JAK1: variants seen among roughly 807,000 people sequenced by gnomAD.
JAK1 encodes tyrosine-protein kinase JAK1.
In JAK1, 16 loss-of-function variants were observed where a neutral mutation model predicts 136.6. The observed-to-expected ratio is 0.12, with a 90% CI of 0.08 to 0.18. The LOEUF is 0.18. Among genes scored for constraint, JAK1 ranks in the 10% least tolerant of loss-of-function variants. The pLI is 1.00. For synonymous variants in JAK1, 492 were observed against 519.5 expected, an observed-to-expected ratio of 0.95 and a Z score of 0.72; for missense variants, 859 against 1,450.1, an observed-to-expected ratio of 0.59 and a Z score of 6.62.
chr1:65,008,098 T>A (rs1386726628), intron 2 of JAK1, among the ~76,000 whole-genome samples: 1 of 152,174 alleles, frequency 6.6e-6, no homozygotes, highest in African/African-American at 2.4e-5. Flanking sequence ...TTAGCACAGC[T>A]TGAGTTTGGT....
intron 1 of JAK1, among the ~76,000 whole-genome samples, chr1:64,946,427 G>A (rs951213449): frequency 6.6e-6 from 1 of 152,152 alleles, no homozygotes; most frequent in Non-Finnish European, 1.5e-5. Context: ...GTCTATGATC[G>A]GACCTCATGC....
At chr1:65,049,484 A>C (rs1486807628) in intron 1 of JAK1, among the ~76,000 whole-genome samples, 1 of 151,994 alleles carries the variant, frequency 6.6e-6, no homozygotes, top group Non-Finnish European at 1.5e-5. Context: ...ACAAAAACTC[A>C]CTTCTTCACG....
At chr1:64,920,916 A>G (rs1305263291) in intron 1 of JAK1, among the ~76,000 whole-genome samples, 1 of 152,202 alleles carries the variant, frequency 6.6e-6, no homozygotes, top group Non-Finnish European at 1.5e-5. Flanking sequence ...CTACTGATAG[A>G]AAAAATAAGA....
chr1:65,028,222 C>T (rs1646994334), intron 2 of JAK1, among the ~76,000 whole-genome samples: 1 of 152,022 alleles, frequency 6.6e-6, no homozygotes, highest in South Asian at 2.1e-4. Flanking sequence ...TGAGTCCTTC[C>T]CTGACTAATT....
chr1:65,004,422 T>A (rs1488662163), intron 2 of JAK1, among the ~76,000 whole-genome samples: 1 of 152,198 alleles, frequency 6.6e-6, no homozygotes, highest in Non-Finnish European at 1.5e-5. Flanking sequence ...GACTCGTGAG[T>A]GACCATCAGG....
chr1:64,837,823 T>C (rs961980999), intron 22 of JAK1, 109 bp downstream of exon 22: 11 of 880,622 alleles, frequency 1.2e-5, no homozygotes, highest in Non-Finnish European at 1.7e-5. Context: ...TTCTCTAACC[T>C]TGAGTCAGGC....
intron 17 of JAK1, 22 bp from the exon 18 acceptor site, chr1:64,841,623 G>A (rs1654914113): frequency 6.2e-7 from 1 of 1,612,670 alleles, no homozygotes; most frequent in Non-Finnish European, 8.5e-7. Context: ...AGGGGCACAT[G>A]GAAGAAACCA....
chr1:64,930,769 C>T (rs4625319), intron 1 of JAK1, among the ~76,000 whole-genome samples: 146,634 of 152,238 alleles, frequency 0.96, 70,827 homozygotes, highest in East Asian at 1. Flanking sequence ...CAATGATAGA[C>T]TGGATATAGA....
chr1:64,836,246 T>A lies in JAK1; in HGVS notation c.3141-31A>T, dbSNP rs369404709. The stretch of plus-strand genomic sequence containing the variant: ...AAGGAAGCAGAACACAAAACTTCAT[T>A]TCCTGGGAGGCACACTCCATCCGAC... On this transcript the variant is annotated intron_variant, in intron 22 of 24. Transcript: ENST00000342505. 7.8e-6 allele frequency: 10 copies of A among 1,288,650 alleles called. No homozygotes were observed. The African/African-American group carries it at 1.5e-4, about 19-fold the overall frequency. 79.8% of individuals were successfully genotyped at this position (1,288,650 alleles called of 1,614,324 possible).
At chr1:64,985,524 G>C in intron 2 of JAK1, 1 of 1,493,978 alleles carries the variant, frequency 6.7e-7, no homozygotes, top group Non-Finnish European at 9.3e-7. Flanking sequence ...AGGAGAGATG[G>C]GAAAGCCTAA....
chr1:64,911,313 T>C (rs910608409), intron 1 of JAK1, among the ~76,000 whole-genome samples: 2 of 152,196 alleles, frequency 1.3e-5, no homozygotes, highest in Non-Finnish European at 2.9e-5. Flanking sequence ...CAAACTGGGA[T>C]ACCTGAGAGT....
chr1:64,969,631 A>C (rs1468429139), upstream of JAK1, among the ~76,000 whole-genome samples: 2 of 152,162 alleles, frequency 1.3e-5, no homozygotes, highest in Non-Finnish European at 2.9e-5. Flanking sequence ...CTGGGGAAGG[A>C]TACTGAGGAA....
chr1:65,047,915 TA>T (rs534961906), intron 1 of JAK1, among the ~76,000 whole-genome samples: 6 of 148,116 alleles, frequency 4.1e-5, no homozygotes, highest in East Asian at 4.0e-4. Flanking sequence ...ATAATACAGG[TA>T]AAAAAAAAAT....
Position 64,966,543 on chromosome 1 carries a change from G to A in JAK1, c.-288C>T, listed in dbSNP as rs963558764. ...CCGCGGCCGCCGCGGCCTGCGCTCA[G>A]CGACGCACCGCCTCCCGTCCCGCCC... is the stretch of plus-strand genomic sequence containing the variant. On this transcript the variant is annotated 5_prime_UTR_variant, in exon 1 of 25. Transcript: ENST00000342505. The A allele has an allele frequency of 2.0e-5, 3 of 149,818 alleles. No individual in the cohort carries two copies. Among genetic ancestry groups the A allele is most frequent in the African/African-American group, 4.9e-5 (2 of 41,060 alleles). 9.3% of individuals were successfully genotyped at this position (149,818 alleles called of 1,614,324 possible). A position where few individuals can be genotyped will look rare whatever the true frequency, so the allele number is the denominator to read the frequency against.
At position 64,985,014 on chromosome 1, in the gene JAK1, C is replaced by G. The variant is rs918066068; in HGVS notation, c.-78+59466G>C. On this transcript the variant is annotated intron_variant, in intron 2 of 25. Transcript: ENST00000671954. ...AGCCCCAATACAGACAAAGCTTATC[C>G]CATTACACTCATCCTTCAATAACAA... 11 of 859,100 alleles carry G rather than the reference C, an allele frequency of 1.3e-5. No individual in the cohort carries two copies. In the African/African-American group the frequency reaches 1.8e-4, roughly 14 times the overall value. The allele number at this position is 859,100 out of a possible 1,614,324, so 53.2% of individuals were successfully genotyped here.
At position 64,951,326 on chromosome 1, in the gene JAK1, A is replaced by AG. The variant is rs544884259; in HGVS notation, c.-78+15006_-78+15007insC. ...ACTGTGTGGCAATATTCCTCTTTCA[A>AG]TGTTGCCTGATCCTTCCTTACTCCA... On this transcript the variant is annotated intron_variant, in intron 1 of 24. Coordinates refer to ENST00000342505, the MANE Select transcript of JAK1 (RefSeq NM_002227.4). Among the ~76,000 whole-genome samples, 650 of 152,132 alleles carry AG rather than the reference A, an allele frequency of 4.3e-3. 3 individuals carry two copies. Among genetic ancestry groups the AG allele is most frequent in the Non-Finnish European group, 5.9e-3 (404 of 68,008 alleles).
At chr1:64,994,684 T>G (rs910653440) in intron 2 of JAK1, among the ~76,000 whole-genome samples, 9 of 152,196 alleles carry the variant, frequency 5.9e-5, no homozygotes, top group African/African-American at 2.2e-4. Flanking sequence ...CATGCTTTTT[T>G]GGGGCACACA....
chr1:65,034,560 A>G (rs489984), intron 2 of JAK1, among the ~76,000 whole-genome samples: 21,500 of 152,224 alleles, frequency 0.14, 1,917 homozygotes, highest in East Asian at 0.32. Flanking sequence ...AAGGTACTAC[A>G]GGGTAGCTTG....
At chr1:64,883,958 C>G (rs966419053) in intron 2 of JAK1, among the ~76,000 whole-genome samples, 1 of 152,136 alleles carries the variant, frequency 6.6e-6, no homozygotes, top group Non-Finnish European at 1.5e-5. Context: ...CACTAAAAAG[C>G]AAGCATGGTG....
Sources: allele counts gnomAD v4.1 joint callset (sites outside exome capture counted in the v4.1 genomes callset), GRCh38; gene constraint gnomAD v4.1.1; transcripts MANE v1.5; gene names NCBI Gene and HGNC (gene_info 2026-07-23, HGNC 2026-07-21).